Variants in SARS1 observed in about 807,000 individuals in gnomAD.
SARS1 encodes the protein serine--tRNA ligase, cytoplasmic.
In SARS1, 25 loss-of-function variants were observed where a neutral mutation model predicts 63.7. The ratio of observed to expected loss-of-function variants is 0.39; its 90% confidence interval spans 0.29 to 0.55. SARS1 has a LOEUF of 0.55. Ranked by LOEUF, SARS1 falls within the 20% of genes least tolerant of loss-of-function variation. SARS1 has a pLI of 0.62. For missense variants in SARS1, 417 were observed against 649.7 expected, an observed-to-expected ratio of 0.64 and a Z score of 3.89; for synonymous variants, 231 against 243.5, an observed-to-expected ratio of 0.95 and a Z score of 0.48.
intron 2 of SARS1, among the ~76,000 whole-genome samples, chr1:109,226,470 G>A (rs1655073557): frequency 1.3e-5 from 2 of 149,004 alleles, no homozygotes; most frequent in South Asian, 4.2e-4. Flanking sequence ...TCCCACCTCA[G>A]CCTCTCAAGT....
At chr1:109,222,139 C>T (rs1269026218) in intron 1 of SARS1, among the ~76,000 whole-genome samples, 9 of 144,824 alleles carry the variant, frequency 6.2e-5, no homozygotes, top group South Asian at 2.3e-4. Flanking sequence ...GCTGGAATTA[C>T]AGGCATGAGC....
In SARS1 at chr1:109,235,499, G is replaced by T; in HGVS notation, c.969+68G>T. 1 of 1,288,202 alleles carries T rather than the reference G, an allele frequency of 7.8e-7. No individual in the cohort carries two copies. Among genetic ancestry groups the T allele is most frequent in the South Asian group, 1.3e-5 (1 of 78,092 alleles). The allele number at this position is 1,288,202 out of a possible 1,614,324, so 79.8% of individuals were successfully genotyped here. On this transcript the variant is annotated intron_variant, in intron 7 of 10. Coordinates refer to ENST00000234677, the MANE Select transcript of SARS1 (RefSeq NM_006513.4). This position sits in a 1 kb window ranked among gnomAD's most constrained non-coding sequence, Gnocchi z 4.7. ...TCCAGAATGGTTAGATGAGAGATAG[G>T]ATCTGTGTTGCTGAGGCCCATCCTG...
At chr1:109,222,417 TA>T (rs1394684565) in intron 1 of SARS1, among the ~76,000 whole-genome samples, 1 of 152,174 alleles carries the variant, frequency 6.6e-6, no homozygotes, top group African/African-American at 2.4e-5. Context: ...TTACCATGTG[TA>T]AATTTGTATA....
chr1:109,224,878 T>C (rs977934707), intron 2 of SARS1, among the ~76,000 whole-genome samples: 9 of 152,148 alleles, frequency 5.9e-5, no homozygotes, highest in African/African-American at 2.2e-4. Context: ...GGCAAATTGC[T>C]TGAGCTCAGG....
In SARS1 at chr1:109,224,015, C is replaced by G. The variant is rs763763716; in HGVS notation, c.174C>G (p.Asn58Lys). The change falls in exon 2 of 11, where the codon AAC (asparagine) becomes AAG (lysine). Residue 58 changes from asparagine to lysine, a missense_variant. Coordinates refer to ENST00000234677, the MANE Select transcript of SARS1 (RefSeq NM_006513.4). ...CAGACAACTTGAACAAGCTGAAGAA[C>G]CTATGCAGCAAGACAATCGGAGAGA... ...FRADNLNKLK[N>K]LCSKTIGEKM... is the part of the protein sequence containing the mutation. The G allele has an allele frequency of 1.2e-6, 2 of 1,613,622 alleles. No homozygotes were observed.
chr1:109,224,385 T>C (rs1655022484), intron 2 of SARS1, among the ~76,000 whole-genome samples: 1 of 152,186 alleles, frequency 6.6e-6, no homozygotes, highest in Non-Finnish European at 1.5e-5. Context: ...GTAGTTATGC[T>C]CCATAATGAA....
chr1:109,226,677 A>AAAAAATATATATATAT (rs1178056468), intron 2 of SARS1, among the ~76,000 whole-genome samples: 2 of 44,962 alleles, frequency 4.4e-5, no homozygotes, highest in African/African-American at 8.3e-5. Context: ...AAAAAAAAAA[A>AAAAAATATATATATAT]ATATATATAT....
rs1190267924 is a variant in SARS1, at chr1:109,237,846, C to T, written c.1503C>T (p.Thr501=). ...SKKKAAARDV[T]LENRLQNMEV... is the part of the protein sequence containing the mutation. ...AGAAAGCAGCAGCAAGAGACGTCAC[C>T]CTAGAAAACAGGCTGCAGAACATGG... Residue 501 remains threonine, a synonymous_variant, in exon 11 of 11, where the codon ACC becomes ACT. Coordinates refer to ENST00000234677, the MANE Select transcript of SARS1 (RefSeq NM_006513.4). This position sits in a 1 kb window ranked among gnomAD's most constrained non-coding sequence, Gnocchi z 4.1. The T allele has an allele frequency of 6.2e-7, 1 of 1,614,188 alleles. No homozygotes were observed. The highest frequency in any genetic ancestry group is 1.7e-5 in the Admixed American group (1 of 60,012).
chr1:109,218,266 C>T (rs1373925994), intron 1 of SARS1, among the ~76,000 whole-genome samples: 2 of 150,658 alleles, frequency 1.3e-5, no homozygotes, highest in East Asian at 1.9e-4. Flanking sequence ...ACTTGGGAGG[C>T]CGAGGCAGGA....
chr1:109,220,304 CAA>C (rs1267794875), intron 1 of SARS1, among the ~76,000 whole-genome samples: 1 of 152,154 alleles, frequency 6.6e-6, no homozygotes, highest in African/African-American at 2.4e-5. Flanking sequence ...AGTAGTTTTC[CAA>C]AGTGGTTGTA....
intron 6 of SARS1, among the ~76,000 whole-genome samples, chr1:109,234,885 G>A (rs747649203): frequency 2.6e-5 from 4 of 152,198 alleles, no homozygotes; most frequent in Non-Finnish European, 5.9e-5. Flanking sequence ...AGAGTCGCTT[G>A]AACCTGGGAG....
intron 1 of SARS1, among the ~76,000 whole-genome samples, chr1:109,217,859 C>T (rs943979940): frequency 6.6e-6 from 1 of 151,932 alleles, no homozygotes; most frequent in African/African-American, 2.4e-5. Flanking sequence ...CACGCCCAGC[C>T]CCGAAATTAT....
intron 1 of SARS1, among the ~76,000 whole-genome samples, chr1:109,222,410 C>T (rs1352844230): frequency 6.6e-6 from 1 of 152,054 alleles, no homozygotes; most frequent in African/African-American, 2.4e-5. Context: ...TGCAATCTTA[C>T]CATGTGTAAA....
At chr1:109,226,089 C>T (rs559762248) in intron 2 of SARS1, among the ~76,000 whole-genome samples, 3 of 151,408 alleles carry the variant, frequency 2.0e-5, no homozygotes, top group East Asian at 3.9e-4. Context: ...ACCTCCTGGG[C>T]TCAAGCAGCC....
chr1:109,232,703 T>C (rs1312764133), intron 6 of SARS1, among the ~76,000 whole-genome samples: 1 of 152,256 alleles, frequency 6.6e-6, no homozygotes, highest in Non-Finnish European at 1.5e-5. Flanking sequence ...CTCTTCTTTC[T>C]TTTAATGAAG....
intron 1 of SARS1, chr1:109,216,859 GCGATCCTCCCA>G: frequency 2.0e-5 from 18 of 910,422 alleles, no homozygotes; most frequent in Non-Finnish European, 2.4e-5. Flanking sequence ...CTGGCCTCAA[GCGATCCTCCCA>G]CCTCGGCCTC....
At position 109,237,589 on chromosome 1, in the gene SARS1, G is replaced by C. The variant is rs1008018606; in HGVS notation, c.1388-142G>C. 8.8e-7 allele frequency: 1 copy of C among 1,142,396 alleles called. No homozygotes were observed. The highest frequency in any genetic ancestry group is 1.2e-6 in the Non-Finnish European group (1 of 802,780). The allele number at this position is 1,142,396 out of a possible 1,614,324, so 70.8% of individuals were successfully genotyped here. A position where few individuals can be genotyped will look rare whatever the true frequency, so the allele number is the denominator to read the frequency against. On this transcript the variant is annotated intron_variant, in intron 10 of 10. Coordinates refer to ENST00000234677, the MANE Select transcript of SARS1 (RefSeq NM_006513.4). The surrounding 1 kb of genome is among the most constrained non-coding windows in gnomAD (Gnocchi z 4.1). ...TGCTGCTAAAATTCAGACTAGGGAAGAAAAGAATAAAGGAAACCAGTGCCT... is the reference window on the plus strand; with the variant it reads ...TGCTGCTAAAATTCAGACTAGGGAACAAAAGAATAAAGGAAACCAGTGCCT...
intron 1 of SARS1, chr1:109,216,634 T>G (rs1363205143): frequency 2.9e-5 from 28 of 970,588 alleles, no homozygotes; most frequent in Non-Finnish European, 3.4e-5. Context: ...GAAGTTGTTG[T>G]TTCCTTTTTT....
intron 2 of SARS1, among the ~76,000 whole-genome samples, chr1:109,224,966 G>T (rs111366786): frequency 6.6e-6 from 1 of 152,088 alleles, no homozygotes. Flanking sequence ...TTAGCCAGAC[G>T]TGGCGGCCTG....
Sources: allele counts gnomAD v4.1 joint callset (sites outside exome capture counted in the v4.1 genomes callset), GRCh38; gene constraint gnomAD v4.1.1; non-coding constraint Gnocchi (gnomAD v3.1); transcripts MANE v1.5; gene names NCBI Gene and HGNC (gene_info 2026-07-23, HGNC 2026-07-21).